The following TCAIM variants were observed in gnomAD, a reference collection of about 807,000 sequenced individuals.
TCAIM encodes T cell activation inhibitor, mitochondrial, also known as T-cell activation inhibitor, mitochondrial.
Under a neutral mutation model 58.6 loss-of-function variants are expected in TCAIM, and 36 were observed. The ratio of observed to expected loss-of-function variants is 0.61; its 90% CI spans 0.47 to 0.81. The LOEUF is 0.81. TCAIM is among the 30% of genes least tolerant of loss of function. The pLI is 0.00. For missense variants in TCAIM, 466 were observed against 579.6 expected, an observed-to-expected ratio of 0.80 and a Z score of 2.01; for synonymous variants, 172 against 193.6, an observed-to-expected ratio of 0.89 and a Z score of 0.93.
chr3:44,357,989 A>G (rs1701230071), intron 3 of TCAIM, 113 bp downstream of exon 3: 1 of 1,414,978 alleles, frequency 7.1e-7, no homozygotes, highest in Admixed American at 2.8e-5. Flanking sequence ...TGGTGATATA[A>G]TCAATGCTTT....
intron 10 of TCAIM, among the ~76,000 whole-genome samples, chr3:44,406,493 A>G (rs146275798): frequency 0.87 from 131,775 of 152,166 alleles, 57,465 homozygotes; most frequent in East Asian, 1. Flanking sequence ...ATTCTAAGTA[A>G]GAATAATCTT....
intron 5 of TCAIM, among the ~76,000 whole-genome samples, chr3:44,370,236 C>T (rs1486432869): frequency 1.3e-5 from 2 of 151,982 alleles, no homozygotes; most frequent in African/African-American, 2.4e-5. Context: ...CCGAGGCAGG[C>T]GGATCACAAG....
Position 44,407,722 on chromosome 3 carries a change from A to G in TCAIM, c.*40A>G, listed in dbSNP as rs752219302. The G allele has an allele frequency of 6.6e-6, 10 of 1,508,754 alleles. No homozygotes were observed. The highest frequency in any genetic ancestry group is 8.9e-6 in the Non-Finnish European group (10 of 1,127,962). The allele number at this position is 1,508,754 out of a possible 1,614,324, so 93.5% of individuals were successfully genotyped here. A position where few individuals can be genotyped will look rare whatever the true frequency, so the allele number is the denominator to read the frequency against. On this transcript the variant is annotated 3_prime_UTR_variant, in exon 11 of 11. Transcript: ENST00000342649. ...TTATTTTTTTAAGAGATAAGAAAGGAACTTAAATTAAAAATATTTAAATCC... is the reference window on the plus strand; with the variant it reads ...TTATTTTTTTAAGAGATAAGAAAGGGACTTAAATTAAAAATATTTAAATCC...
chr3:44,400,919 G>C lies in TCAIM; in HGVS notation c.1119-284G>C. 6.2e-6 allele frequency: 3 copies of C among 483,368 alleles called. No individual in the cohort carries two copies. In the South Asian group the frequency reaches 6.8e-5, roughly 11 times the overall value. 29.9% of individuals were successfully genotyped at this position (483,368 alleles called of 1,614,324 possible). The stretch of plus-strand genomic sequence containing the variant: ...CACTGTTTGCCGAGCACTGTGCTGG[G>C]TACTTATATGCATTCTGTCTTTAGC... On this transcript the variant is annotated intron_variant, in intron 9 of 10. Transcript: ENST00000342649.
At chr3:44,406,998 C>T (rs1303074135) in intron 10 of TCAIM, among the ~76,000 whole-genome samples, 1 of 152,100 alleles carries the variant, frequency 6.6e-6, no homozygotes, top group Admixed American at 6.5e-5. Flanking sequence ...AGAACCTGTC[C>T]TCCTCAGGAT....
At position 44,390,148 on chromosome 3, in the gene TCAIM, A is replaced by G. The variant is rs147937186; in HGVS notation, c.573-2707A>G. ...AAAACAGGGACTTTATCTTCCTTGTAATCCCAACACAACACAATGTCAGGC... is the reference window on the plus strand; with the variant it reads ...AAAACAGGGACTTTATCTTCCTTGTGATCCCAACACAACACAATGTCAGGC... On this transcript the variant is annotated intron_variant, in intron 5 of 10. Transcript: ENST00000342649. Among the ~76,000 whole-genome samples the G allele has an allele frequency of 2.4e-3, 360 of 152,332 alleles. 1 individual carries two copies. Among genetic ancestry groups the G allele is most frequent in the African/African-American group, 7.9e-3 (328 of 41,568 alleles).
upstream of TCAIM, chr3:44,338,325 A>T (rs1329871378): frequency 3.3e-5 from 5 of 152,496 alleles, no homozygotes; most frequent in Admixed American, 3.3e-4. Context: ...GGCCGGTAAG[A>T]AGGCGGAGGG....
Position 44,358,969 on chromosome 3 carries a change from A to G in TCAIM, c.165+1093A>G, listed in dbSNP as rs572924299. 64 of 985,288 alleles carry G rather than the reference A, an allele frequency of 6.5e-5. No homozygotes were observed. In the African/African-American group the frequency reaches 1.1e-3, roughly 17 times the overall value. The allele number at this position is 985,288 out of a possible 1,614,324, so 61.0% of individuals were successfully genotyped here. On this transcript the variant is annotated intron_variant, in intron 3 of 10. Transcript: ENST00000342649. ...CTTTTCAAAGTAATCAGTAAATTGA[A>G]TCAACAGAAAAATATTCATTAACTC...
At chr3:44,393,277 T>C (rs1352654901) in intron 6 of TCAIM, among the ~76,000 whole-genome samples, 1 of 148,030 alleles carries the variant, frequency 6.8e-6, no homozygotes, top group East Asian at 2.1e-4. Context: ...GGGCAACATA[T>C]AGAGACCCCA....
chr3:44,393,641 G>A (rs1701876442), intron 6 of TCAIM, among the ~76,000 whole-genome samples: 1 of 151,932 alleles, frequency 6.6e-6, no homozygotes, highest in South Asian at 2.1e-4. Flanking sequence ...AGATATTTAA[G>A]GCCAGACACA....
chr3:44,370,928 T>A (rs1188521571), intron 5 of TCAIM, among the ~76,000 whole-genome samples: 15 of 147,246 alleles, frequency 1.0e-4, no homozygotes, highest in Admixed American at 4.1e-4. Flanking sequence ...TTTTTTTTTT[T>A]AAAGATGGAG....
At chr3:44,405,638 T>C (rs1010842836) in intron 10 of TCAIM, among the ~76,000 whole-genome samples, 1 of 151,776 alleles carries the variant, frequency 6.6e-6, no homozygotes, top group African/African-American at 2.4e-5. Flanking sequence ...ACGACAGTGA[T>C]ACTCCAGCCT....
rs536561564 is a variant in TCAIM, at chr3:44,377,307, CACA to C, written c.572+9607_572+9609del. On this transcript the variant is annotated intron_variant, in intron 5 of 10. Coordinates refer to ENST00000342649, the MANE Select transcript of TCAIM (RefSeq NM_173826.4). ...ATTATTACATATTAATAAAAGGCTCCACAACAACAAGAGATAGCAGCTATAAAT... is the reference window on the plus strand; with the variant it reads ...ATTATTACATATTAATAAAAGGCTCCACAACAAGAGATAGCAGCTATAAAT... Among the ~76,000 whole-genome samples the C allele has an allele frequency of 3.1e-3, 474 of 152,016 alleles. 2 individuals are homozygous for C. Among genetic ancestry groups the C allele is most frequent in the African/African-American group, 0.011 (452 of 41,476 alleles).
At chr3:44,372,154 C>T (rs1701488369) in intron 5 of TCAIM, among the ~76,000 whole-genome samples, 1 of 152,192 alleles carries the variant, frequency 6.6e-6, no homozygotes, top group South Asian at 2.1e-4. Context: ...GCGGGGCCAA[C>T]TGCGGGACCT....
At chr3:44,368,935 A>C (rs896612469) in intron 5 of TCAIM, among the ~76,000 whole-genome samples, 2 of 152,186 alleles carry the variant, frequency 1.3e-5, no homozygotes, top group Admixed American at 1.3e-4. Flanking sequence ...AGGCAGGAAG[A>C]TCCCTTGAGC....
At chr3:44,400,925 AT>A (rs1702012582) in intron 9 of TCAIM, 1 of 485,188 alleles carries the variant, frequency 2.1e-6, no homozygotes, top group Non-Finnish European at 3.7e-6. Flanking sequence ...CTGGGTACTT[AT>A]ATGCATTCTG....
chr3:44,388,583 A>G (rs962827224), intron 5 of TCAIM, among the ~76,000 whole-genome samples: 10 of 152,050 alleles, frequency 6.6e-5, no homozygotes, highest in African/African-American at 2.2e-4. Flanking sequence ...TTTTTCCTTT[A>G]ATTAGCTTCT....
intron 3 of TCAIM, chr3:44,358,750 T>C: frequency 1.0e-6 from 1 of 985,660 alleles, no homozygotes; most frequent in African/African-American, 1.7e-5. Context: ...GCCACATGCT[T>C]TGGAATTACT....
intron 5 of TCAIM, among the ~76,000 whole-genome samples, chr3:44,377,120 G>A (rs1397223757): frequency 6.6e-6 from 1 of 152,054 alleles, no homozygotes; most frequent in Non-Finnish European, 1.5e-5. Flanking sequence ...TAAAACACAT[G>A]ATTCAACTAT....
Sources: gnomAD v4.1 joint callset for allele counts (sites outside exome capture counted in the v4.1 genomes callset) on GRCh38, gnomAD v4.1.1 for gene constraint, MANE v1.5 for transcripts, NCBI Gene and HGNC (gene_info 2026-07-23, HGNC 2026-07-21) for gene names.